The following LRP1B variants were observed in gnomAD, a reference collection of about 807,000 sequenced individuals.
LRP1B encodes the protein LDL receptor related protein 1B, also known as low-density lipoprotein receptor-related protein 1B.
LRP1B carries 217 observed loss-of-function variants against 556.6 expected under a neutral mutation model. The observed-to-expected ratio is 0.39, with a 90% CI of 0.35 to 0.44. The LOEUF is 0.44. Ranked by LOEUF, LRP1B falls within the 20% of genes least tolerant of loss-of-function variation. LRP1B has a pLI of 1.00. For missense variants in LRP1B, 5,053 were observed against 5,620.8 expected (o/e 0.90, Z 3.23); for synonymous variants, 2,047 against 1,865.8 (o/e 1.10, Z -2.50).
intron 1 of LRP1B, among the ~76,000 whole-genome samples, chr2:142,119,700 TA>T (rs1707387548): frequency 6.6e-6 from 1 of 152,120 alleles, no homozygotes; most frequent in Admixed American, 6.6e-5. Flanking sequence ...TAGGCTGTGA[TA>T]TTTTTCTTTC....
chr2:140,422,073 A>C (rs1005563632), intron 66 of LRP1B, among the ~76,000 whole-genome samples: 1 of 152,248 alleles, frequency 6.6e-6, no homozygotes, highest in African/African-American at 2.4e-5. Flanking sequence ...GGACACAAAA[A>C]ATAAAATGTT....
intron 4 of LRP1B, among the ~76,000 whole-genome samples, chr2:141,250,102 T>C (rs1418285028): frequency 6.6e-6 from 1 of 152,192 alleles, no homozygotes; most frequent in Non-Finnish European, 1.5e-5. Context: ...GTTAAACTGA[T>C]GTGACATAAT....
chr2:141,055,272 A>C lies in LRP1B; in HGVS notation c.1409-13T>G, dbSNP rs2105456286. 3 of 1,599,300 alleles carry C rather than the reference A, an allele frequency of 1.9e-6. No individual in the cohort carries two copies. Among genetic ancestry groups the C allele is most frequent in the Non-Finnish European group, 2.6e-6 (3 of 1,173,026 alleles). On this transcript the variant is annotated splice_polypyrimidine_tract_variant and intron_variant, in intron 9 of 90. Transcript: ENST00000389484. ...GCATGGCTTCTGACTACAACAAATA[A>C]AAAACAGCATGCGTGAAATTCAAGT...
chr2:140,922,840 A>T, intron 21 of LRP1B, 125 bp downstream of exon 21: 1 of 705,838 alleles, frequency 1.4e-6, no homozygotes, highest in Non-Finnish European at 2.3e-6. Context: ...CTATTATTAT[A>T]CATGAGCACA....
rs1306542486 is a variant in LRP1B, at chr2:141,020,005, C to T, written c.1887G>A (p.Leu629=). 1 of 1,611,848 alleles carries T rather than the reference C, an allele frequency of 6.2e-7. No individual in the cohort carries two copies. The highest frequency in any genetic ancestry group is 2.2e-5 in the East Asian group (1 of 44,710). Residue 629 remains leucine, a synonymous_variant, in exon 12 of 91, where the codon CTG becomes CTA. Coordinates refer to ENST00000389484, the MANE Select transcript of LRP1B (RefSeq NM_018557.3). ...TCTTCCGACTCTGAGAAGCTTTTTC[C>T]AGCCTGGCCACATTAATGGTTTTCC... The part of the protein sequence containing the change: ...GHRKTINVAR[L]EKASQSRKTL...
intron 3 of LRP1B, among the ~76,000 whole-genome samples, chr2:141,342,199 G>A (rs371127542): frequency 0.012 from 1,740 of 148,048 alleles, 23 homozygotes; most frequent in Middle Eastern, 0.021. Context: ...AGCCGAGATC[G>A]TGCCACCGCA....
chr2:141,324,008 C>CAT (rs1559005462), intron 3 of LRP1B, among the ~76,000 whole-genome samples: 1 of 140,068 alleles, frequency 7.1e-6, no homozygotes, highest in Admixed American at 7.4e-5. Flanking sequence ...CACACACACA[C>CAT]ACACACCTGA....
At chr2:140,417,092 G>A (rs1471583505) in intron 66 of LRP1B, among the ~76,000 whole-genome samples, 1 of 152,116 alleles carries the variant, frequency 6.6e-6, no homozygotes, top group African/African-American at 2.4e-5. Flanking sequence ...TTTGCCACAT[G>A]GAGACAAAGC....
intron 66 of LRP1B, among the ~76,000 whole-genome samples, chr2:140,412,309 G>A (rs183625147): frequency 4.6e-5 from 7 of 152,138 alleles, no homozygotes; most frequent in Admixed American, 2.6e-4. Flanking sequence ...CAATTTTCTA[G>A]CCTTAAGATG....
intron 3 of LRP1B, among the ~76,000 whole-genome samples, chr2:141,329,199 C>A (rs1177404278): frequency 2.6e-5 from 4 of 151,914 alleles, no homozygotes; most frequent in Non-Finnish European, 5.9e-5. Flanking sequence ...ACCAGCCTGG[C>A]CAACATGGTG....
chr2:141,462,143 T>C (rs1201713792), intron 3 of LRP1B, among the ~76,000 whole-genome samples: 1 of 152,228 alleles, frequency 6.6e-6, no homozygotes, highest in Admixed American at 6.5e-5. Context: ...TGTTGTCTTT[T>C]ATTTGCTGGA....
chr2:140,245,662 A>AT (rs1681127834), intron 87 of LRP1B, among the ~76,000 whole-genome samples: 2 of 151,438 alleles, frequency 1.3e-5, no homozygotes, highest in African/African-American at 4.8e-5. Context: ...ATAAATTAAT[A>AT]TGCCTCCAGA....
intron 3 of LRP1B, among the ~76,000 whole-genome samples, chr2:141,265,672 C>G (rs1326231254): frequency 6.6e-6 from 1 of 152,034 alleles, no homozygotes; most frequent in Non-Finnish European, 1.5e-5. Flanking sequence ...AAAGCCTTTC[C>G]CTTATTCTCA....
Position 141,384,714 on chromosome 2 carries a change from T to C in LRP1B, c.343+95682A>G, listed in dbSNP as rs142330042. ...AGCAGTGGAGTATAATCAAACATCTTGGCCCCTCCTGAAACCCACTCCCAT... is the reference window on the plus strand; with the variant it reads ...AGCAGTGGAGTATAATCAAACATCTCGGCCCCTCCTGAAACCCACTCCCAT... On this transcript the variant is annotated intron_variant, in intron 3 of 90. Coordinates refer to ENST00000389484, the MANE Select transcript of LRP1B (RefSeq NM_018557.3). Among the ~76,000 whole-genome samples, 1,165 of 152,260 alleles carry C rather than the reference T, an allele frequency of 7.7e-3. 15 individuals carry two copies. The highest frequency in any genetic ancestry group is 7.5e-3 in the Non-Finnish European group (508 of 68,008).
intron 1 of LRP1B, among the ~76,000 whole-genome samples, chr2:142,089,286 A>G (rs1706071642): frequency 6.6e-6 from 1 of 152,218 alleles, no homozygotes; most frequent in Non-Finnish European, 1.5e-5. Context: ...AGAAAATTAT[A>G]AAACACGGGC....
chr2:140,701,967 C>T (rs1686660911), intron 39 of LRP1B, 122 bp from the exon 40 acceptor site: 2 of 1,344,570 alleles, frequency 1.5e-6, no homozygotes, highest in Non-Finnish European at 2.1e-6. Flanking sequence ...TAGTCTGTGA[C>T]ATTGAAATGC....
chr2:141,329,650 A>AC lies in LRP1B; in HGVS notation c.344-75010_344-75009insG, dbSNP rs1223198872. ...CAGAGCGAGACTCTGTCTCAAAAAA[A>AC]AAAAAAAAAAAAAAACTATCTCTCT... On this transcript the variant is annotated intron_variant, in intron 3 of 90. Transcript: ENST00000389484. 1.7e-4 allele frequency among the ~76,000 whole-genome samples: 7 copies of AC among 40,494 alleles called. 1 individual carries two copies. The highest frequency in any genetic ancestry group is 7.7e-4 in the African/African-American group (7 of 9,054). The allele number at this position is 40,494 out of a possible 152,430, so 26.6% of individuals were successfully genotyped here.
intron 41 of LRP1B, among the ~76,000 whole-genome samples, chr2:140,615,802 A>G (rs988073622): frequency 2.5e-5 from 3 of 119,646 alleles, no homozygotes; most frequent in African/African-American, 9.3e-5. Flanking sequence ...ATACAATAAT[A>G]TTTTGCCCAA....
chr2:140,813,873 A>G (rs1691014030), intron 31 of LRP1B, 67 bp from the exon 32 acceptor site: 1 of 1,101,664 alleles, frequency 9.1e-7, no homozygotes, highest in Non-Finnish European at 1.3e-6. Flanking sequence ...ACCTAGCACC[A>G]CTGGATTTGA....
Sources: allele counts gnomAD v4.1 joint callset (sites outside exome capture counted in the v4.1 genomes callset), GRCh38; gene constraint gnomAD v4.1.1; transcripts MANE v1.5; gene names NCBI Gene and HGNC (gene_info 2026-07-23, HGNC 2026-07-21).